Variants in SART3 observed in about 807,000 individuals in gnomAD.
SART3 encodes spliceosome associated factor 3, U4/U6 recycling protein.
SART3 carries 44 observed loss-of-function variants against 122.3 expected under a neutral mutation model. The observed-to-expected ratio is 0.36, with a 90% confidence interval of 0.28 to 0.46. SART3 has a LOEUF of 0.46. Ranked by LOEUF, SART3 falls within the 20% of genes least tolerant of loss-of-function variation. The pLI, the probability that SART3 is intolerant of heterozygous loss-of-function variation, is 1.00. For synonymous variants in SART3, 442 were observed against 454.0 expected, an observed-to-expected ratio of 0.97 and a Z score of 0.34; for missense variants, 1,101 against 1,229.0, an observed-to-expected ratio of 0.90 and a Z score of 1.56.
intron 3 of SART3, among the ~76,000 whole-genome samples, chr12:108,545,567 G>T (rs1324787271): frequency 6.6e-6 from 1 of 152,140 alleles, no homozygotes; most frequent in Admixed American, 6.5e-5. Context: ...TAAGAAGGGG[G>T]TAACAGGATC....
rs573546590 is a variant in SART3 at position 108,527,443 on chromosome 12, A to C, written c.1916-890T>G. 1.1e-3 allele frequency among the ~76,000 whole-genome samples: 164 copies of C among 152,112 alleles called. 1 individual carries two copies. The highest frequency in any genetic ancestry group is 3.9e-3 in the African/African-American group (162 of 41,492). On this transcript the variant is annotated intron_variant, in intron 15 of 18. Coordinates refer to ENST00000546815, the MANE Select transcript of SART3 (RefSeq NM_014706.4). ...CCCTGGATGCCGCATCTCTTCCCCCACAGTCTTCCTGGTACGAAGTTGACC... is the reference window on the plus strand; with the variant it reads ...CCCTGGATGCCGCATCTCTTCCCCCCCAGTCTTCCTGGTACGAAGTTGACC...
intron 12 of SART3, among the ~76,000 whole-genome samples, chr12:108,533,805 G>A (rs990034639): frequency 2.0e-5 from 3 of 152,178 alleles, no homozygotes; most frequent in African/African-American, 7.2e-5. Flanking sequence ...TAATGTCGTA[G>A]AATTGTGGCA....
At chr12:108,524,137 T>C in intron 18 of SART3, 179 bp downstream of exon 18, 1 of 672,136 alleles carries the variant, frequency 1.5e-6, no homozygotes, top group East Asian at 2.6e-5. Flanking sequence ...TGCCTAGGCT[T>C]GCATCCTGCT....
At position 108,538,186 on chromosome 12, in the gene SART3, T is replaced by A; in HGVS notation, c.1080A>T (p.Val360=). The A allele has an allele frequency of 6.2e-7, 1 of 1,614,202 alleles. No individual in the cohort carries two copies. ...YSQYLDRQLK[V]KDLVLSVHNR... Reference sequence around the variant, plus strand: ...TATGTACAGATAAAACCAAATCCTTTACTTTCAGTTGTCGATCCTATGATA... The same window carrying A: ...TATGTACAGATAAAACCAAATCCTTAACTTTCAGTTGTCGATCCTATGATA... The change falls in exon 8 of 19, where the codon GTA becomes GTT. Residue 360 remains valine (V), a synonymous_variant. Coordinates refer to ENST00000546815, the MANE Select transcript of SART3 (RefSeq NM_014706.4).
chr12:108,559,010 G>C (rs1019067687), intron 1 of SART3, among the ~76,000 whole-genome samples: 3 of 124,298 alleles, frequency 2.4e-5, no homozygotes, highest in African/African-American at 9.1e-5. Context: ...TCCAGCCTGG[G>C]CCACAGAGCA....
chr12:108,551,196 T>C (rs553897753), intron 1 of SART3, among the ~76,000 whole-genome samples: 3 of 152,276 alleles, frequency 2.0e-5, no homozygotes, highest in South Asian at 4.1e-4. Flanking sequence ...CATATTAATA[T>C]CACATAACGT....
At chr12:108,534,398 G>A (rs75848505) in intron 12 of SART3, among the ~76,000 whole-genome samples, 10,403 of 151,814 alleles carry the variant, frequency 0.069, 458 homozygotes, top group South Asian at 0.17. Context: ...AAACTGTCAC[G>A]TTTAGCCGGA....
Position 108,542,189 on chromosome 12 carries a change from G to A in SART3, c.906+839C>T, listed in dbSNP as rs180675278. Reference sequence around the variant, plus strand: ...ACAAAAATTTGAATGGCCAATCCACGTGAAAAGATGCTCAACTTCATTAGT... The same window carrying A: ...ACAAAAATTTGAATGGCCAATCCACATGAAAAGATGCTCAACTTCATTAGT... On this transcript the variant is annotated intron_variant, in intron 6 of 18. Transcript: ENST00000546815. 3.7e-4 allele frequency among the ~76,000 whole-genome samples: 57 copies of A among 152,104 alleles called. 1 individual carries two copies. In the South Asian group the frequency reaches 6.2e-3, roughly 17 times the overall value.
chr12:108,537,680 C>T lies in SART3; in HGVS notation c.1202-85G>A, dbSNP rs1027723359. ...ACTACATTCTACTGACTATAAAACA[C>T]TACATGACTTTAAAGACTAATAGAT... On this transcript the variant is annotated intron_variant, in intron 8 of 18. Transcript: ENST00000546815. 4.6e-5 allele frequency: 45 copies of T among 981,078 alleles called. No individual in the cohort carries two copies. In the South Asian group the frequency reaches 5.0e-4, roughly 11 times the overall value. The allele number at this position is 981,078 out of a possible 1,614,324, so 60.8% of individuals were successfully genotyped here.
In SART3 at chr12:108,522,827, CAG is replaced by C. The variant is rs1462680439; in HGVS notation, c.*628_*629del. 1 of 155,414 alleles carries C rather than the reference CAG, an allele frequency of 6.4e-6. No individual in the cohort carries two copies. Among genetic ancestry groups the C allele is most frequent in the African/African-American group, 2.4e-5 (1 of 41,482 alleles). The allele number at this position is 155,414 out of a possible 1,614,324, so 9.6% of individuals were successfully genotyped here. A position where few individuals can be genotyped will look rare whatever the true frequency, so the allele number is the denominator to read the frequency against. On this transcript the variant is annotated 3_prime_UTR_variant, in exon 19 of 19. Coordinates refer to ENST00000546815, the MANE Select transcript of SART3 (RefSeq NM_014706.4). ...GTCACTAGGCAAAGAAAACAGTCCACAGCAGGTGGCACAAATAATTCCTATAC... is the reference window on the plus strand; with the variant it reads ...GTCACTAGGCAAAGAAAACAGTCCACCAGGTGGCACAAATAATTCCTATAC...
chr12:108,558,378 A>G (rs944886217), intron 1 of SART3, among the ~76,000 whole-genome samples: 17 of 152,186 alleles, frequency 1.1e-4, no homozygotes, highest in African/African-American at 4.1e-4. Flanking sequence ...GACAAAGAGG[A>G]TAAGGCCAGA....
rs769280469 is a variant in SART3 at position 108,545,247 on chromosome 12, G to A, written c.621C>T (p.Arg207=). 5.6e-6 allele frequency: 9 copies of A among 1,614,102 alleles called. No individual in the cohort carries two copies. Among genetic ancestry groups the A allele is most frequent in the Non-Finnish European group, 7.6e-6 (9 of 1,180,014 alleles). The stretch of plus-strand genomic sequence containing the variant: ...ACGAGAGAGCCCTTTCAAACACGGA[G>A]CGAACTTTCTCAAGGCCACCTTTCT... The part of the protein sequence containing the change: ...IGQKGGLEKV[R]SVFERALSSV... Residue 207 remains arginine (R), a synonymous_variant, in exon 4 of 19, where the codon CGC becomes CGT. Coordinates refer to ENST00000546815, the MANE Select transcript of SART3 (RefSeq NM_014706.4).
rs558505408 is a variant in SART3 at position 108,537,942 on chromosome 12, T to G, written c.1201+123A>C. On this transcript the variant is annotated intron_variant, in intron 8 of 18. Coordinates refer to ENST00000546815, the MANE Select transcript of SART3 (RefSeq NM_014706.4). ...TTCATCTCTCACTCAGAGCCCTTTT[T>G]GTCACTACACTCCATAACCCAAAGA... is the stretch of plus-strand genomic sequence containing the variant. 7 of 1,267,210 alleles carry G rather than the reference T, an allele frequency of 5.5e-6. No homozygotes were observed. The South Asian group carries it at 8.5e-5, about 15-fold the overall frequency. The allele number at this position is 1,267,210 out of a possible 1,614,324, so 78.5% of individuals were successfully genotyped here. A position where few individuals can be genotyped will look rare whatever the true frequency, so the allele number is the denominator to read the frequency against.
At chr12:108,549,476 G>T in intron 1 of SART3, 1 of 450,820 alleles carries the variant, frequency 2.2e-6, no homozygotes, top group Non-Finnish European at 4.1e-6. Context: ...AATAAAGGAG[G>T]CATTCTAATG....
chr12:108,530,482 T>C (rs898841967), intron 14 of SART3, among the ~76,000 whole-genome samples, 172 bp from the exon 15 acceptor site: 17 of 152,120 alleles, frequency 1.1e-4, no homozygotes, highest in African/African-American at 3.9e-4. Flanking sequence ...TTCAGGTTCG[T>C]TGGAATTCTG....
At chr12:108,530,029 G>C (rs1412247961) in intron 15 of SART3, 113 bp downstream of exon 15, 2 of 1,208,094 alleles carry the variant, frequency 1.7e-6, no homozygotes, top group African/African-American at 3.0e-5. Context: ...AGTGATCAAA[G>C]GGTAATGGGT....
intron 5 of SART3, among the ~76,000 whole-genome samples, chr12:108,543,769 T>C (rs1873275129): frequency 6.6e-6 from 1 of 152,218 alleles, no homozygotes; most frequent in African/African-American, 2.4e-5. Context: ...CCAGAGGTTC[T>C]GAGTATGTAC....
rs1191629810 is a variant in SART3 at position 108,535,404 on chromosome 12, T to C, written c.1511A>G (p.Asn504Ser). 1 of 1,614,154 alleles carries C rather than the reference T, an allele frequency of 6.2e-7. No individual in the cohort carries two copies. Among genetic ancestry groups the C allele is most frequent in the Non-Finnish European group, 8.5e-7 (1 of 1,180,024 alleles). ...ELWDSIMTRGNAKYANMWLEY... is the reference protein window; with the variant it reads ...ELWDSIMTRGSAKYANMWLEY... ...TAGCCACATGTTGGCGTACTTGGCA[T>C]TTCCTCTGGTCATGATGCTATCCCA... The change falls in exon 12 of 19, where the codon AAT becomes AGT. Residue 504 changes from asparagine to serine, a missense_variant. This residue lies in a region of SART3 where 885 missense variants were observed against 1,080.1 expected (regional missense o/e 0.82). Coordinates refer to ENST00000546815, the MANE Select transcript of SART3 (RefSeq NM_014706.4).
At position 108,525,505 on chromosome 12, in the gene SART3, G is replaced by A; in HGVS notation, c.2475C>T (p.Gly825=). ...EELEEICKAH[G]TVKDLRLVTN... Reference sequence around the variant, plus strand: ...TGACCAGCCTGAGGTCCTTCACGGTGCCATGAGCCTTACAGATTTCTTCTA... The same window carrying A: ...TGACCAGCCTGAGGTCCTTCACGGTACCATGAGCCTTACAGATTTCTTCTA... The change falls in exon 17 of 19, where the codon GGC becomes GGT. Residue 825 remains glycine (G), a synonymous_variant. Transcript: ENST00000546815. 1 of 1,614,184 alleles carries A rather than the reference G, an allele frequency of 6.2e-7. No homozygotes were observed. Among genetic ancestry groups the A allele is most frequent in the Non-Finnish European group, 8.5e-7 (1 of 1,180,030 alleles).
Sources: allele counts gnomAD v4.1 joint callset (sites outside exome capture counted in the v4.1 genomes callset), GRCh38; gene constraint gnomAD v4.1.1; regional missense constraint gnomAD v4.1.1; transcripts MANE v1.5; gene names NCBI Gene and HGNC (gene_info 2026-07-23, HGNC 2026-07-21).